Variants in CA8 observed in about 807,000 individuals in gnomAD.
CA8 encodes carbonic anhydrase-related protein.
CA8 carries 22 observed loss-of-function variants against 41.4 expected under a neutral mutation model. The observed-to-expected ratio is 0.53, with a 90% CI of 0.38 to 0.76. The LOEUF (loss-of-function observed/expected upper bound fraction) is 0.76, where lower values mean the gene tolerates loss of function less well. CA8 is among the 30% of genes least tolerant of loss of function. CA8 has a pLI of 0.00. For missense variants in CA8, 270 were observed against 352.8 expected, an observed-to-expected ratio of 0.77 and a Z score of 1.88; for synonymous variants, 121 against 130.6, an observed-to-expected ratio of 0.93 and a Z score of 0.50.
At chr8:60,218,181 CA>C (rs1208777626) in intron 7 of CA8, among the ~76,000 whole-genome samples, 2 of 152,220 alleles carry the variant, frequency 1.3e-5, no homozygotes, top group Non-Finnish European at 2.9e-5. Context: ...ACTCAGACAA[CA>C]CCTCTTGACC....
At chr8:60,275,571 T>C (rs1804206041) in intron 2 of CA8, among the ~76,000 whole-genome samples, 2 of 150,474 alleles carry the variant, frequency 1.3e-5, no homozygotes, top group East Asian at 3.9e-4. Flanking sequence ...GATTAAAAAT[T>C]GAGGAAATCT....
At chr8:60,216,411 CTG>C (rs1807023663) in intron 7 of CA8, among the ~76,000 whole-genome samples, 2 of 152,252 alleles carry the variant, frequency 1.3e-5, no homozygotes, top group African/African-American at 4.8e-5. Context: ...TGATGGAGCT[CTG>C]TGCTAATAGC....
Position 60,225,446 on chromosome 8 carries a change from A to C in CA8, c.577-861T>G, listed in dbSNP as rs531734603. On this transcript the variant is annotated intron_variant, in intron 5 of 8. Transcript: ENST00000317995. The stretch of plus-strand genomic sequence containing the variant: ...ATAATGACTGGTGTCCTATTAGATG[A>C]TGAAATAAAGGAAATTTTCTCAGTC... 2.0e-5 allele frequency among the ~76,000 whole-genome samples: 3 copies of C among 152,306 alleles called. No individual in the cohort carries two copies. The East Asian group carries it at 5.8e-4, about 29-fold the overall frequency.
At chr8:60,253,611 C>T (rs1453252175) in intron 3 of CA8, among the ~76,000 whole-genome samples, 1 of 152,136 alleles carries the variant, frequency 6.6e-6, no homozygotes, top group African/African-American at 2.4e-5. Context: ...GTTGCCTCAT[C>T]AAGGTAGCAT....
rs1278635613 is a variant in CA8 at position 60,189,003 on chromosome 8, G to A, written c.*1018C>T. 1 of 151,986 alleles carries A rather than the reference G, an allele frequency of 6.6e-6. No individual in the cohort carries two copies. The highest frequency in any genetic ancestry group is 1.5e-5 in the Non-Finnish European group (1 of 68,000). 9.4% of individuals were successfully genotyped at this position (151,986 alleles called of 1,614,324 possible). The stretch of plus-strand genomic sequence containing the variant: ...ACAATAACAATAATATTTATTGTTT[G>A]CTTTGTGCCAGGTACTCTACTGCTT... On this transcript the variant is annotated 3_prime_UTR_variant, in exon 9 of 9. Coordinates refer to ENST00000317995, the MANE Select transcript of CA8 (RefSeq NM_004056.6).
intron 2 of CA8, among the ~76,000 whole-genome samples, chr8:60,268,137 A>G (rs1803958837): frequency 6.6e-6 from 1 of 152,212 alleles, no homozygotes; most frequent in Non-Finnish European, 1.5e-5. Flanking sequence ...GGTGAGCTCT[A>G]TAACTCCACT....
chr8:60,241,522 A>T (rs1808027503), intron 3 of CA8, among the ~76,000 whole-genome samples: 1 of 152,248 alleles, frequency 6.6e-6, no homozygotes, highest in Admixed American at 6.5e-5. Context: ...CTGCCTTCTT[A>T]GGAACAGGGC....
At chr8:60,216,558 C>A (rs1264151365) in intron 7 of CA8, among the ~76,000 whole-genome samples, 3 of 152,186 alleles carry the variant, frequency 2.0e-5, no homozygotes, top group Admixed American at 6.5e-5. Flanking sequence ...ATCTCCCAAT[C>A]ATCAGGGAGC....
In CA8 at chr8:60,208,750, C is replaced by T. The variant is rs752408191; in HGVS notation, c.*35G>A. ...TTTTCCTTACTTAATCTGGACATAC[C>T]CTCATGAAGACAGACTTGTTCCTGT... On this transcript the variant is annotated splice_region_variant and 3_prime_UTR_variant, in exon 8 of 9. Transcript: ENST00000317995. 3 of 1,613,588 alleles carry T rather than the reference C, an allele frequency of 1.9e-6. No individual in the cohort carries two copies. The highest frequency in any genetic ancestry group is 1.7e-6 in the Non-Finnish European group (2 of 1,179,664).
In CA8 at chr8:60,188,226, T is replaced by C. The variant is rs1344487160; in HGVS notation, c.*1795A>G. 6.6e-6 allele frequency: 1 copy of C among 152,204 alleles called. No homozygotes were observed. Among genetic ancestry groups the C allele is most frequent in the Non-Finnish European group, 1.5e-5 (1 of 68,024 alleles). The allele number at this position is 152,204 out of a possible 1,614,324, so 9.4% of individuals were successfully genotyped here. On this transcript the variant is annotated 3_prime_UTR_variant, in exon 9 of 9. Transcript: ENST00000317995. ...GTGAAGTCTGAACAACTAGATGTTA[T>C]CCTGAAAGTCATTTAATTACTATTT... is the stretch of plus-strand genomic sequence containing the variant.
At chr8:60,209,058 A>C in intron 7 of CA8, 139 bp from the exon 8 acceptor site, 1 of 972,504 alleles carries the variant, frequency 1.0e-6, no homozygotes, top group Non-Finnish European at 1.5e-6. Flanking sequence ...CTTCAAAAAG[A>C]AAAAAAACAG....
intron 7 of CA8, among the ~76,000 whole-genome samples, chr8:60,218,064 G>A (rs1437068572): frequency 6.6e-6 from 1 of 152,106 alleles, no homozygotes; most frequent in African/African-American, 2.4e-5. Flanking sequence ...CATGTCGCAG[G>A]CTCTCCACAC....
intron 2 of CA8, among the ~76,000 whole-genome samples, chr8:60,278,040 G>A (rs1327204547): frequency 6.6e-6 from 1 of 152,202 alleles, no homozygotes; most frequent in East Asian, 1.9e-4. Flanking sequence ...AATGCTAGGT[G>A]AGGAAGAAAC....
intron 3 of CA8, among the ~76,000 whole-genome samples, chr8:60,248,514 T>A (rs1051021330): frequency 6.6e-6 from 1 of 152,194 alleles, no homozygotes; most frequent in Non-Finnish European, 1.5e-5. Context: ...AGGGAATCCT[T>A]TCCCCGTTGC....
At chr8:60,251,990 G>C (rs1250076857) in intron 3 of CA8, among the ~76,000 whole-genome samples, 1 of 152,050 alleles carries the variant, frequency 6.6e-6, no homozygotes, top group Non-Finnish European at 1.5e-5. Flanking sequence ...ACATCAATAA[G>C]TTAAGTCTCT....
rs1341725292 is a variant in CA8, at chr8:60,204,342, G to A, written c.*35+4408C>T. ...AGGGTATCAGAACATATTAACATTC[G>A]ACATACAAGTTGGCCCATGACTGCA... is the stretch of plus-strand genomic sequence containing the variant. On this transcript the variant is annotated intron_variant, in intron 8 of 8. Coordinates refer to ENST00000317995, the MANE Select transcript of CA8 (RefSeq NM_004056.6). 5.9e-5 allele frequency among the ~76,000 whole-genome samples: 9 copies of A among 151,914 alleles called. No individual in the cohort carries two copies. In the South Asian group the frequency reaches 6.2e-4, roughly 11 times the overall value.
intron 3 of CA8, among the ~76,000 whole-genome samples, chr8:60,238,264 T>C (rs964982371): frequency 2.6e-5 from 4 of 152,162 alleles, no homozygotes; most frequent in African/African-American, 4.8e-5. Context: ...ACAAATGAGG[T>C]TTATTACTAA....
rs1210098880 is a variant in CA8, at chr8:60,210,617, GT to G, written c.739-1699del. On this transcript the variant is annotated intron_variant, in intron 7 of 8. Coordinates refer to ENST00000317995, the MANE Select transcript of CA8 (RefSeq NM_004056.6). ...CAGAAAGCCAGCTTCTTTTCTGTGG[GT>G]TTTTTTTTTTTCTCTCTGTACTTAC... Among the ~76,000 whole-genome samples the G allele has an allele frequency of 2.9e-3, 416 of 145,214 alleles. 1 individual carries two copies. Among genetic ancestry groups the G allele is most frequent in the South Asian group, 7.6e-3 (35 of 4,588 alleles).
intron 8 of CA8, among the ~76,000 whole-genome samples, chr8:60,195,481 C>T (rs1326316113): frequency 2.0e-5 from 3 of 152,182 alleles, no homozygotes; most frequent in African/African-American, 7.2e-5. Context: ...TGATAACTAA[C>T]TAAAGTATCC....
Sources: allele counts gnomAD v4.1 joint callset (sites outside exome capture counted in the v4.1 genomes callset), GRCh38; gene constraint gnomAD v4.1.1; transcripts MANE v1.5; gene names NCBI Gene and HGNC (gene_info 2026-07-23, HGNC 2026-07-21).